The following CFDP1 variants were observed in gnomAD, a reference collection of about 807,000 sequenced individuals.
CFDP1 encodes the protein heterochromatin-stabilizing protein CFDP1.
A neutral mutation model predicts 40.1 loss-of-function variants in CFDP1; 31 were observed. That is an observed-to-expected ratio of 0.77 (90% CI 0.58 to 1.04). The LOEUF is 1.04. CFDP1 is among the 50% of genes least tolerant of loss of function. The pLI is 0.00. For synonymous variants in CFDP1, 167 were observed against 120.0 expected, an observed-to-expected ratio of 1.39 and a Z score of -2.56; for missense variants, 423 against 343.4, an observed-to-expected ratio of 1.23 and a Z score of -1.83.
In CFDP1 at chr16:75,302,459, A is replaced by G. The variant is rs188676121; in HGVS notation, c.809+2565T>C. Among the ~76,000 whole-genome samples, 7 of 152,264 alleles carry G rather than the reference A, an allele frequency of 4.6e-5. No homozygotes were observed. The East Asian group carries it at 1.4e-3, about 29-fold the overall frequency. On this transcript the variant is annotated intron_variant, in intron 6 of 6. Coordinates refer to ENST00000283882, the MANE Select transcript of CFDP1 (RefSeq NM_006324.3). ...TTTTTAGTAGAGGCAAGGTCTTGCT[A>G]TGTTGCCCAGGCTGGTCCTGAGCTC...
intron 1 of CFDP1, among the ~76,000 whole-genome samples, chr16:75,423,569 C>G (rs954851100): frequency 6.6e-6 from 1 of 152,004 alleles, no homozygotes; most frequent in Non-Finnish European, 1.5e-5. Context: ...GGCTGGAGAG[C>G]AGTGGTGCGA....
chr16:75,387,406 G>C (rs957782688), intron 5 of CFDP1, among the ~76,000 whole-genome samples: 1 of 152,170 alleles, frequency 6.6e-6, no homozygotes, highest in Non-Finnish European at 1.5e-5. Context: ...CTCCCAAAGT[G>C]CTGGGATTAC....
At chr16:75,379,926 C>T (rs1336435997) in intron 5 of CFDP1, 2 of 151,940 alleles carry the variant, frequency 1.3e-5, no homozygotes, top group African/African-American at 4.8e-5. Flanking sequence ...TCACTTGAGC[C>T]CAGGAGTTTG....
intron 5 of CFDP1, among the ~76,000 whole-genome samples, chr16:75,380,824 G>T (rs994647457): frequency 2.0e-5 from 3 of 152,108 alleles, no homozygotes; most frequent in African/African-American, 7.2e-5. Flanking sequence ...TTAAAACCAG[G>T]TCATATAAGA....
chr16:75,309,344 G>A (rs2078278282), intron 5 of CFDP1, among the ~76,000 whole-genome samples: 1 of 152,014 alleles, frequency 6.6e-6, no homozygotes, highest in African/African-American at 2.4e-5. Context: ...TCAGTCTCTG[G>A]GCAGGGGGCG....
intron 5 of CFDP1, among the ~76,000 whole-genome samples, chr16:75,367,313 T>A (rs936901118): frequency 6.6e-6 from 1 of 151,618 alleles, no homozygotes; most frequent in Non-Finnish European, 1.5e-5. Context: ...GAAAAATAGC[T>A]AATGCGTGCT....
chr16:75,419,972 T>G (rs569205935), intron 1 of CFDP1, among the ~76,000 whole-genome samples: 1 of 152,202 alleles, frequency 6.6e-6, no homozygotes, highest in South Asian at 2.1e-4. Flanking sequence ...AATTCTTTCT[T>G]GTTCGAGATC....
intron 1 of CFDP1, among the ~76,000 whole-genome samples, chr16:75,428,442 C>G (rs531072175): frequency 6.6e-6 from 1 of 151,868 alleles, no homozygotes; most frequent in South Asian, 2.1e-4. Context: ...GGTGAAGCCC[C>G]GTCTCTATTA....
At chr16:75,358,285 T>C (rs537082453) in intron 5 of CFDP1, among the ~76,000 whole-genome samples, 88 of 152,324 alleles carry the variant, frequency 5.8e-4, no homozygotes, top group African/African-American at 2.0e-3. Context: ...ACACAGTATC[T>C]GTGAAGCACA....
In CFDP1 at chr16:75,375,210, G is replaced by A. The variant is rs116712896; in HGVS notation, c.650+19880C>T. Among the ~76,000 whole-genome samples the A allele has an allele frequency of 8.3e-3, 1,257 of 151,400 alleles. 21 individuals carry two copies. Among genetic ancestry groups the A allele is most frequent in the African/African-American group, 0.028 (1,145 of 41,234 alleles). ...ACAAAAAGCACTAACTGTAAAAGAC[G>A]AACTGAATATCAAAATTAAAAACTC... is the stretch of plus-strand genomic sequence containing the variant. On this transcript the variant is annotated intron_variant, in intron 5 of 6. Transcript: ENST00000283882.
chr16:75,307,089 C>T (rs113587280), intron 5 of CFDP1, among the ~76,000 whole-genome samples: 25 of 152,246 alleles, frequency 1.6e-4, no homozygotes, highest in African/African-American at 6.0e-4. Flanking sequence ...CTGTTTTTCC[C>T]CATCCTCACT....
At chr16:75,427,485 T>C (rs1438545783) in intron 1 of CFDP1, among the ~76,000 whole-genome samples, 2 of 152,142 alleles carry the variant, frequency 1.3e-5, no homozygotes, top group Non-Finnish European at 2.9e-5. Flanking sequence ...ACTCCTGACC[T>C]TGTGATCTGC....
intron 3 of CFDP1, among the ~76,000 whole-genome samples, chr16:75,412,306 A>C (rs1195879461): frequency 6.6e-6 from 1 of 152,210 alleles, no homozygotes; most frequent in Non-Finnish European, 1.5e-5. Flanking sequence ...GGTGTGTGGC[A>C]CTGCAGTCAG....
intron 1 of CFDP1, among the ~76,000 whole-genome samples, chr16:75,423,640 G>A (rs967032789): frequency 5.3e-5 from 8 of 151,890 alleles, no homozygotes; most frequent in Admixed American, 3.3e-4. Context: ...TCAGCCTCCC[G>A]AGCAGCTGGG....
chr16:75,307,584 G>A (rs1391936258), intron 5 of CFDP1, among the ~76,000 whole-genome samples: 1 of 151,992 alleles, frequency 6.6e-6, no homozygotes, highest in African/African-American at 2.4e-5. Context: ...TTAGAGACAG[G>A]TTCTCACTCT....
chr16:75,330,811 T>A (rs560983925), intron 5 of CFDP1, among the ~76,000 whole-genome samples: 1 of 152,276 alleles, frequency 6.6e-6, no homozygotes, highest in African/African-American at 2.4e-5. Context: ...TCTTGTAAGA[T>A]GAGAATGTCT....
At chr16:75,378,485 T>C (rs1426598315) in intron 5 of CFDP1, among the ~76,000 whole-genome samples, 2 of 152,094 alleles carry the variant, frequency 1.3e-5, no homozygotes, top group African/African-American at 4.8e-5. Flanking sequence ...GATCAAAGTT[T>C]TAAAAAATGG....
rs1193206878 is a variant in CFDP1 at position 75,414,569 on chromosome 16, C to A, written c.182+9G>T. On this transcript the variant is annotated intron_variant, in intron 2 of 6. Coordinates refer to ENST00000283882, the MANE Select transcript of CFDP1 (RefSeq NM_006324.3). The stretch of plus-strand genomic sequence containing the variant: ...CCCTAACTTCTAAGGGCCTTGAAGG[C>A]AGCATCACCTGGCTGGAATGCTCTG... 4 of 1,555,336 alleles carry A rather than the reference C, an allele frequency of 2.6e-6. No individual in the cohort carries two copies. Among genetic ancestry groups the A allele is most frequent in the Non-Finnish European group, 3.6e-6 (4 of 1,126,666 alleles).
At chr16:75,422,396 CTTT>C (rs765465924) in intron 1 of CFDP1, among the ~76,000 whole-genome samples, 1 of 129,476 alleles carries the variant, frequency 7.7e-6, no homozygotes. Flanking sequence ...CGTATGGCCT[CTTT>C]TTTTTTTTTT....
Sources: allele counts gnomAD v4.1 joint callset (sites outside exome capture counted in the v4.1 genomes callset), GRCh38; gene constraint gnomAD v4.1.1; transcripts MANE v1.5; gene names NCBI Gene and HGNC (gene_info 2026-07-23, HGNC 2026-07-21).